AP3S2: variants seen among roughly 807,000 people sequenced by gnomAD.
The protein encoded by AP3S2 is AP-3 complex subunit sigma-2.
Under a neutral mutation model 23.4 loss-of-function variants are expected in AP3S2, and 22 were observed. The ratio of observed to expected loss-of-function variants is 0.94; its 90% CI spans 0.67 to 1.34. AP3S2 has a LOEUF of 1.34. Among genes scored for constraint, AP3S2 ranks in the 40% most tolerant of loss-of-function variants. The pLI is 0.00. For synonymous variants in AP3S2, 86 were observed against 87.1 expected (o/e 0.99, Z 0.07); for missense variants, 241 against 236.9 (o/e 1.02, Z -0.11).
chr15:89,833,783 G>A lies in AP3S2; in HGVS notation c.*1732C>T, dbSNP rs1163576077. The A allele has an allele frequency of 6.6e-6, 1 of 152,228 alleles. No homozygotes were observed. The highest frequency in any genetic ancestry group is 2.1e-4 in the South Asian group (1 of 4,834). 9.4% of individuals were successfully genotyped at this position (152,228 alleles called of 1,614,324 possible). Reference sequence around the variant, plus strand: ...TGCTTATCATGGAGCTTTCAAGAGTGAGGATCGGAGGCTGTATTGAGCAGT... The same window carrying A: ...TGCTTATCATGGAGCTTTCAAGAGTAAGGATCGGAGGCTGTATTGAGCAGT... On this transcript the variant is annotated 3_prime_UTR_variant, in exon 6 of 6. Coordinates refer to ENST00000336418, the MANE Select transcript of AP3S2 (RefSeq NM_005829.5).
intron 4 of AP3S2, chr15:89,852,462 T>C (rs1294171537): frequency 1.3e-5 from 2 of 152,234 alleles, no homozygotes; most frequent in Non-Finnish European, 2.9e-5. Context: ...CTCACTACTG[T>C]TTCCAAGCTG....
intron 4 of AP3S2, among the ~76,000 whole-genome samples, chr15:89,850,874 C>T (rs1159019123): frequency 1.3e-5 from 2 of 152,030 alleles, no homozygotes; most frequent in Admixed American, 6.6e-5. Flanking sequence ...ATCACCACAC[C>T]CAGCTAATTT....
intron 3 of AP3S2, 28 bp from the exon 4 acceptor site, chr15:89,871,574 A>G (rs1896319996): frequency 6.2e-7 from 1 of 1,609,330 alleles, no homozygotes; most frequent in Non-Finnish European, 8.5e-7. Flanking sequence ...ATAGATAAAG[A>G]AGAGAAATAG....
At chr15:89,848,534 G>A (rs1029563284) in intron 4 of AP3S2, 1 of 152,368 alleles carries the variant, frequency 6.6e-6, no homozygotes, top group East Asian at 1.9e-4. Flanking sequence ...CTAATTTTTT[G>A]TATTTTTAGT....
In AP3S2 at chr15:89,888,655, A is replaced by C. The variant is rs75256998; in HGVS notation, c.162-23T>G. On this transcript the variant is annotated intron_variant, in intron 2 of 5. Transcript: ENST00000336418. The stretch of plus-strand genomic sequence containing the variant: ...AAACTGCAGAAGATGGGAAACATTT[A>C]AATGCCCACAGCTTAATTAAACACA... 1,949 of 1,604,586 alleles carry C rather than the reference A, an allele frequency of 1.2e-3. 30 individuals are homozygous for C. The African/African-American group carries it at 0.023, about 19-fold the overall frequency.
chr15:89,875,079 C>T (rs1264270366), intron 3 of AP3S2, among the ~76,000 whole-genome samples: 2 of 152,198 alleles, frequency 1.3e-5, no homozygotes, highest in African/African-American at 4.8e-5. Context: ...TGGGTGCCAT[C>T]CAGGCCCCCG....
Position 89,835,171 on chromosome 15 carries a change from CTCAATGCAG to C in AP3S2, c.*335_*343del, listed in dbSNP as rs1895158943. The C allele has an allele frequency of 2.8e-6, 1 of 359,956 alleles. No individual in the cohort carries two copies. Among genetic ancestry groups the C allele is most frequent in the African/African-American group, 2.1e-5 (1 of 47,910 alleles). The allele number at this position is 359,956 out of a possible 1,614,324, so 22.3% of individuals were successfully genotyped here. On this transcript the variant is annotated 3_prime_UTR_variant, in exon 6 of 6. Transcript: ENST00000336418. Reference sequence around the variant, plus strand: ...AGGTTCTGGGAAGCAGGTGGGCCTGCTCAATGCAGTCCCTAACCCTTGGGAGCATCCATG... The same window carrying C: ...AGGTTCTGGGAAGCAGGTGGGCCTGCTCCCTAACCCTTGGGAGCATCCATG...
chr15:89,844,315 C>T (rs1895431496), intron 4 of AP3S2, among the ~76,000 whole-genome samples: 1 of 129,792 alleles, frequency 7.7e-6, no homozygotes. Flanking sequence ...TTCCTTCCTT[C>T]CTTCTTTCCT....
At chr15:89,879,159 G>A (rs774377623) in intron 3 of AP3S2, among the ~76,000 whole-genome samples, 8 of 152,252 alleles carry the variant, frequency 5.3e-5, no homozygotes, top group African/African-American at 9.6e-5. Flanking sequence ...TATTACAGGC[G>A]TGAGCCATTG....
chr15:89,847,423 C>CT, intron 4 of AP3S2, among the ~76,000 whole-genome samples: 1 of 143,938 alleles, frequency 6.9e-6, no homozygotes, highest in Non-Finnish European at 1.5e-5. Context: ...AATGAGTCTG[C>CT]TAGTTTCATA....
chr15:89,887,324 C>G (rs1896721953), intron 3 of AP3S2, among the ~76,000 whole-genome samples: 1 of 152,014 alleles, frequency 6.6e-6, no homozygotes, highest in Non-Finnish European at 1.5e-5. Flanking sequence ...AAACTTTTAT[C>G]TTAAGAAAAC....
chr15:89,879,674 C>T (rs559045858), intron 3 of AP3S2, among the ~76,000 whole-genome samples: 25 of 152,212 alleles, frequency 1.6e-4, no homozygotes, highest in Non-Finnish European at 2.8e-4. Flanking sequence ...GGCACAATCT[C>T]GGCTCTTTGC....
rs748217180 is a variant in AP3S2 at position 89,888,487 on chromosome 15, A to G, written c.273+34T>C. On this transcript the variant is annotated intron_variant, in intron 3 of 5. Coordinates refer to ENST00000336418, the MANE Select transcript of AP3S2 (RefSeq NM_005829.5). ...CTCAAAAATCCCGTGGAAACTCTCTAAAGCTGCTGCCATCATTAGCTGACT... is the reference window on the plus strand; with the variant it reads ...CTCAAAAATCCCGTGGAAACTCTCTGAAGCTGCTGCCATCATTAGCTGACT... The G allele has an allele frequency of 4.7e-5, 76 of 1,605,686 alleles. No individual in the cohort carries two copies. In the South Asian group the frequency reaches 6.9e-4, roughly 15 times the overall value.
intron 1 of AP3S2, 56 bp from the exon 2 acceptor site, chr15:89,889,196 TC>T: frequency 1.3e-6 from 2 of 1,584,142 alleles, no homozygotes. Flanking sequence ...CTACATCCCA[TC>T]CATGGGGATG....
chr15:89,855,536 TAAA>T (rs199883528), intron 4 of AP3S2, among the ~76,000 whole-genome samples: 2 of 136,350 alleles, frequency 1.5e-5, no homozygotes, highest in Non-Finnish European at 3.1e-5. Context: ...AAGAATAAAT[TAAA>T]AAAAAAAAAA....
At chr15:89,871,661 A>G in intron 3 of AP3S2, 115 bp from the exon 4 acceptor site, 1 of 1,089,544 alleles carries the variant, frequency 9.2e-7, no homozygotes, top group Non-Finnish European at 1.3e-6. Context: ...TTTATGATAA[A>G]TCTCAAAAAT....
At chr15:89,855,749 C>T (rs1323494566) in intron 4 of AP3S2, among the ~76,000 whole-genome samples, 1 of 142,128 alleles carries the variant, frequency 7.0e-6, no homozygotes, top group Non-Finnish European at 1.5e-5. Context: ...ACTTGGGAGG[C>T]TGAGGCAGGA....
At chr15:89,857,780 T>C (rs1895875948) in intron 4 of AP3S2, among the ~76,000 whole-genome samples, 1 of 152,182 alleles carries the variant, frequency 6.6e-6, no homozygotes, top group Non-Finnish European at 1.5e-5. Flanking sequence ...ATGGTCATCA[T>C]TGGTAATATT....
At chr15:89,865,127 A>G (rs1896087782) in intron 4 of AP3S2, among the ~76,000 whole-genome samples, 1 of 152,078 alleles carries the variant, frequency 6.6e-6, no homozygotes, top group South Asian at 2.1e-4. Context: ...CTCTCATACT[A>G]TGCACACATC....
Sources: allele counts gnomAD v4.1 joint callset (sites outside exome capture counted in the v4.1 genomes callset), GRCh38; gene constraint gnomAD v4.1.1; transcripts MANE v1.5; gene names NCBI Gene and HGNC (gene_info 2026-07-23, HGNC 2026-07-21).